The following NBAS variants were observed in gnomAD, a reference collection of about 807,000 sequenced individuals.
NBAS encodes NAG/BC035112 fusion.
Under a neutral mutation model 302.5 loss-of-function variants are expected in NBAS, and 219 were observed. The observed-to-expected ratio is 0.72, with a 90% CI of 0.65 to 0.81. The LOEUF (loss-of-function observed/expected upper bound fraction) is 0.81, where lower values mean the gene tolerates loss of function less well. NBAS is among the 30% of genes least tolerant of loss of function. The pLI, the probability that NBAS is intolerant of heterozygous loss-of-function variation, is 0.00. For missense variants in NBAS, 2,932 were observed against 2,841.6 expected, an observed-to-expected ratio of 1.03 and a Z score of -0.72; for synonymous variants, 1,118 against 1,021.6, an observed-to-expected ratio of 1.09 and a Z score of -1.80.
the NBAS span, among the ~76,000 whole-genome samples, chr2:15,080,487 G>C: frequency 6.6e-6 from 1 of 152,208 alleles, no homozygotes; most frequent in Non-Finnish European, 1.5e-5. Flanking sequence ...GATTATTCTG[G>C]TTATCTATTA....
chr2:14,854,082 T>A, the NBAS span, among the ~76,000 whole-genome samples: 23 of 149,752 alleles, frequency 1.5e-4, no homozygotes, highest in African/African-American at 4.9e-4. Flanking sequence ...TAAAAAATAA[T>A]AATAATAATA....
chr2:15,512,465 G>A (rs1452440846), intron 9 of NBAS, among the ~76,000 whole-genome samples: 1 of 152,180 alleles, frequency 6.6e-6, no homozygotes, highest in Admixed American at 6.5e-5. Context: ...AATCGCTGCA[G>A]TCTGTGAGTA....
chr2:14,953,928 GC>G, the NBAS span, among the ~76,000 whole-genome samples: 1 of 152,170 alleles, frequency 6.6e-6, no homozygotes, highest in East Asian at 1.9e-4. Flanking sequence ...GATGGGACAG[GC>G]ATGGAAGATA....
At chr2:15,271,550 A>T (rs932412943) in intron 44 of NBAS, among the ~76,000 whole-genome samples, 1 of 152,182 alleles carries the variant, frequency 6.6e-6, no homozygotes, top group African/African-American at 2.4e-5. Flanking sequence ...GCAAGGTACC[A>T]GAAGGACTTT....
chr2:15,144,051 A>ATATATATATATATTATCC, the NBAS span, among the ~76,000 whole-genome samples: 6 of 136,566 alleles, frequency 4.4e-5, no homozygotes, highest in East Asian at 6.8e-4. Flanking sequence ...ATATAAAAAT[A>ATATATATATATATTATCC]TATATATATA....
the NBAS span, among the ~76,000 whole-genome samples, chr2:14,876,310 A>G: frequency 6.6e-6 from 1 of 152,190 alleles, no homozygotes; most frequent in East Asian, 1.9e-4. Context: ...AACCAAGTAG[A>G]TTAACAGAAC....
the NBAS span, among the ~76,000 whole-genome samples, chr2:14,799,207 A>C: frequency 1.3e-5 from 2 of 152,014 alleles, no homozygotes; most frequent in East Asian, 3.9e-4. Context: ...TTTACCTCTA[A>C]ATTCACTTAC....
chr2:15,255,307 C>G (rs564081472), intron 44 of NBAS, among the ~76,000 whole-genome samples: 1 of 152,220 alleles, frequency 6.6e-6, no homozygotes, highest in Admixed American at 6.5e-5. Flanking sequence ...TTGCATTTCC[C>G]TGATAATTAG....
At chr2:14,991,042 T>G in the NBAS span, among the ~76,000 whole-genome samples, 1 of 151,378 alleles carries the variant, frequency 6.6e-6, no homozygotes, top group Non-Finnish European at 1.5e-5. Flanking sequence ...CAAAAGGAGG[T>G]GGTGTCTTCA....
At chr2:15,084,891 G>C in the NBAS span, among the ~76,000 whole-genome samples, 1 of 152,216 alleles carries the variant, frequency 6.6e-6, no homozygotes, top group African/African-American at 2.4e-5. Context: ...TCTTGTTTTG[G>C]TTACCGTGAT....
chr2:14,814,578 T>C, the NBAS span, among the ~76,000 whole-genome samples: 1 of 152,234 alleles, frequency 6.6e-6, no homozygotes, highest in East Asian at 1.9e-4. Flanking sequence ...AGCATTTACC[T>C]AATGCATGTA....
chr2:15,549,344 T>C (rs903056973), intron 6 of NBAS, among the ~76,000 whole-genome samples: 1 of 152,178 alleles, frequency 6.6e-6, no homozygotes, highest in African/African-American at 2.4e-5. Flanking sequence ...AAGAAAACTT[T>C]GTCAGCAGAC....
chr2:15,263,402 ATCTT>A (rs1473473568), intron 44 of NBAS, among the ~76,000 whole-genome samples: 3 of 152,100 alleles, frequency 2.0e-5, no homozygotes, highest in Non-Finnish European at 4.4e-5. Flanking sequence ...GCTAAAAGTA[ATCTT>A]TCTAAAACAA....
At chr2:14,917,780 T>G in the NBAS span, among the ~76,000 whole-genome samples, 1 of 152,078 alleles carries the variant, frequency 6.6e-6, no homozygotes, top group African/African-American at 2.4e-5. Context: ...AAACACCACA[T>G]GTAGTAAAAG....
chr2:15,170,011 TA>T (rs1051236155), intron 51 of NBAS, among the ~76,000 whole-genome samples: 4 of 152,228 alleles, frequency 2.6e-5, no homozygotes, highest in Non-Finnish European at 5.9e-5. Flanking sequence ...GATGCACAGA[TA>T]AAAGGCTCAG....
chr2:15,323,291 C>A (rs1308271183), intron 38 of NBAS, among the ~76,000 whole-genome samples: 2 of 152,170 alleles, frequency 1.3e-5, no homozygotes, highest in East Asian at 3.8e-4. Flanking sequence ...TGTGCACCCA[C>A]CACATAGAAA....
At chr2:15,418,458 A>G (rs1216948246) in intron 23 of NBAS, among the ~76,000 whole-genome samples, 1 of 152,198 alleles carries the variant, frequency 6.6e-6, no homozygotes, top group Non-Finnish European at 1.5e-5. Context: ...ACCTACTAGA[A>G]GCTAAGCACC....
chr2:14,800,247 G>T, the NBAS span, among the ~76,000 whole-genome samples: 1 of 152,154 alleles, frequency 6.6e-6, no homozygotes, highest in African/African-American at 2.4e-5. Context: ...GGAGAACCTC[G>T]TGGGAGGTAA....
At chr2:14,841,733 A>G in the NBAS span, among the ~76,000 whole-genome samples, 1 of 151,954 alleles carries the variant, frequency 6.6e-6, no homozygotes, top group African/African-American at 2.4e-5. Flanking sequence ...ACTGCAATAC[A>G]ATAAGAGTAG....
Sources: gnomAD v4.1 joint callset for allele counts (sites outside exome capture counted in the v4.1 genomes callset) on GRCh38, gnomAD v4.1.1 for gene constraint, MANE v1.5 for transcripts, NCBI Gene and HGNC (gene_info 2026-07-23, HGNC 2026-07-21) for gene names.